DOCK1: variants seen among roughly 807,000 people sequenced by gnomAD.
DOCK1 encodes dedicator of cytokinesis protein 1.
Under a neutral mutation model 262.7 loss-of-function variants are expected in DOCK1, and 138 were observed. That is an observed-to-expected ratio of 0.53 (90% CI 0.46 to 0.61). The LOEUF is 0.61. DOCK1 is among the 20% of genes least tolerant of loss of function. The pLI, the probability that DOCK1 is intolerant of heterozygous loss-of-function variation, is 0.00. For synonymous variants in DOCK1, 866 were observed against 867.4 expected (o/e 1.00, Z 0.03); for missense variants, 1,908 against 2,370.7 (o/e 0.80, Z 4.05).
At chr10:127,196,367 C>T (rs2057149493) in intron 27 of DOCK1, among the ~76,000 whole-genome samples, 1 of 148,770 alleles carries the variant, frequency 6.7e-6, no homozygotes, top group Non-Finnish European at 1.5e-5. Flanking sequence ...AGCCACCCGG[C>T]TTCGCGCTCC....
intron 23 of DOCK1, among the ~76,000 whole-genome samples, chr10:127,099,593 CAA>C (rs1177144296): frequency 2.6e-5 from 4 of 152,056 alleles, no homozygotes; most frequent in Non-Finnish European, 5.9e-5. Flanking sequence ...AGAGAGGGAA[CAA>C]GAGAGAGCGC....
intron 23 of DOCK1, among the ~76,000 whole-genome samples, chr10:127,105,802 G>A (rs981849540): frequency 1.3e-5 from 2 of 152,056 alleles, no homozygotes; most frequent in Non-Finnish European, 2.9e-5. Flanking sequence ...CTTTGTTGCC[G>A]GGGCTGGATT....
At chr10:127,095,479 G>T (rs2047851927) in intron 23 of DOCK1, among the ~76,000 whole-genome samples, 1 of 152,228 alleles carries the variant, frequency 6.6e-6, no homozygotes, top group Non-Finnish European at 1.5e-5. Context: ...AGGGATATGG[G>T]AGAGAAGTGC....
At chr10:127,197,804 C>T (rs912122830) in intron 27 of DOCK1, among the ~76,000 whole-genome samples, 5 of 152,158 alleles carry the variant, frequency 3.3e-5, no homozygotes, top group Non-Finnish European at 7.3e-5. Context: ...CTATCACTGC[C>T]TTATAGAGTG....
chr10:127,188,288 G>A (rs2134059388), intron 27 of DOCK1, among the ~76,000 whole-genome samples: 1 of 152,286 alleles, frequency 6.6e-6, no homozygotes, highest in South Asian at 2.1e-4. Context: ...TGAAAATCCA[G>A]GTCTTTCACA....
rs139945675 is a variant in DOCK1 at position 127,319,576 on chromosome 10, T to C, written c.3045-19430T>C. Among the ~76,000 whole-genome samples the C allele has an allele frequency of 1.7e-3, 264 of 152,316 alleles. 3 individuals carry two copies. The highest frequency in any genetic ancestry group is 6.1e-3 in the African/African-American group (253 of 41,574). On this transcript the variant is annotated intron_variant, in intron 29 of 51. Coordinates refer to ENST00000623213, the MANE Select transcript of DOCK1 (RefSeq NM_001290223.2). ...TCAATGCACACCATCACTGTGGCCA[T>C]ATTCGGGTGGTAAAATGTGGAGTTA...
intron 25 of DOCK1, among the ~76,000 whole-genome samples, chr10:127,111,937 T>G (rs1215572889): frequency 6.6e-6 from 1 of 152,226 alleles, no homozygotes; most frequent in African/African-American, 2.4e-5. Context: ...ATTTTTAAAT[T>G]TCTGTTGCAA....
Position 127,092,915 on chromosome 10 carries a change from C to T in DOCK1, c.2446-13316C>T, listed in dbSNP as rs146583970. ...GTCTCATGGGGTGGGGTGATGTATT[C>T]GTCCCTCAGGGCTGCTGTCACAATA... On this transcript the variant is annotated intron_variant, in intron 23 of 51. Coordinates refer to ENST00000623213, the MANE Select transcript of DOCK1 (RefSeq NM_001290223.2). 4.3e-4 allele frequency among the ~76,000 whole-genome samples: 66 copies of T among 152,270 alleles called. No individual in the cohort carries two copies. In the East Asian group the frequency reaches 0.011, roughly 26 times the overall value.
At chr10:127,289,381 T>G (rs1349730312) in intron 29 of DOCK1, among the ~76,000 whole-genome samples, 1 of 152,154 alleles carries the variant, frequency 6.6e-6, no homozygotes, top group East Asian at 1.9e-4. Context: ...GTGTGATGGT[T>G]TTTCATCTTT....
chr10:127,081,593 C>T (rs997110207), intron 23 of DOCK1, among the ~76,000 whole-genome samples: 2 of 152,098 alleles, frequency 1.3e-5, no homozygotes, highest in Non-Finnish European at 2.9e-5. Context: ...TCTGCCCTGT[C>T]ATAAGCAAAT....
intron 38 of DOCK1, among the ~76,000 whole-genome samples, chr10:127,394,503 C>G (rs546411432): frequency 5.3e-5 from 8 of 152,236 alleles, no homozygotes; most frequent in African/African-American, 1.9e-4. Context: ...TTTGGAAACA[C>G]AGTTGTTATT....
intron 1 of DOCK1, among the ~76,000 whole-genome samples, chr10:126,934,028 G>C (rs975989483): frequency 1.3e-5 from 2 of 152,064 alleles, no homozygotes; most frequent in Admixed American, 1.3e-4. Context: ...TGTTGGACAG[G>C]CTGGTTTCGA....
chr10:126,907,140 G>T (rs1388106860), intron 1 of DOCK1, among the ~76,000 whole-genome samples: 7 of 90 alleles, frequency 0.078, no homozygotes, highest in Non-Finnish European at 0.28. Context: ...CGAGAGGTTC[G>T]GGGTGGATAT....
At chr10:127,202,712 C>T (rs1013693712) in intron 27 of DOCK1, among the ~76,000 whole-genome samples, 23 of 152,156 alleles carry the variant, frequency 1.5e-4, no homozygotes, top group African/African-American at 5.3e-4. Flanking sequence ...GGCAGGTACT[C>T]GGTCCATTGT....
intron 18 of DOCK1, among the ~76,000 whole-genome samples, chr10:127,035,371 T>C (rs2043522809): frequency 6.6e-6 from 1 of 152,174 alleles, no homozygotes; most frequent in Non-Finnish European, 1.5e-5. Flanking sequence ...TAACTGACTA[T>C]ATAATTAGAA....
intron 13 of DOCK1, among the ~76,000 whole-genome samples, chr10:127,022,818 A>G (rs967897737): frequency 3.9e-5 from 6 of 152,178 alleles, no homozygotes; most frequent in African/African-American, 1.4e-4. Flanking sequence ...GTCCTTGGCT[A>G]CTGAGGACTC....
intron 29 of DOCK1, among the ~76,000 whole-genome samples, chr10:127,301,989 C>G (rs535072332): frequency 5.9e-5 from 9 of 151,914 alleles, no homozygotes; most frequent in East Asian, 1.9e-4. Flanking sequence ...TTCGACAAAG[C>G]CTGCCTGCCT....
intron 29 of DOCK1, among the ~76,000 whole-genome samples, chr10:127,258,923 C>G (rs2059918476): frequency 6.6e-6 from 1 of 152,212 alleles, no homozygotes; most frequent in African/African-American, 2.4e-5. Context: ...AAATCCAAAG[C>G]AGCACGACCT....
At chr10:126,961,897 G>C (rs1004004301) in intron 1 of DOCK1, among the ~76,000 whole-genome samples, 5 of 152,214 alleles carry the variant, frequency 3.3e-5, no homozygotes, top group Admixed American at 6.5e-5. Context: ...GTAATTTGCT[G>C]CTTTCCACAG....
Sources: gnomAD v4.1 joint callset for allele counts (sites outside exome capture counted in the v4.1 genomes callset) on GRCh38, gnomAD v4.1.1 for gene constraint, MANE v1.5 for transcripts, NCBI Gene and HGNC (gene_info 2026-07-23, HGNC 2026-07-21) for gene names.